The following ACSF3 variants were observed in gnomAD, a reference collection of about 807,000 sequenced individuals.
ACSF3 encodes the protein malonate--CoA ligase ACSF3, mitochondrial.
Under a neutral mutation model 53.2 loss-of-function variants are expected in ACSF3, and 78 were observed. That is an observed-to-expected ratio of 1.47 (90% CI 1.22 to 1.77). The LOEUF (loss-of-function observed/expected upper bound fraction) is 1.77. Among genes scored for constraint, ACSF3 ranks in the 40% most tolerant of loss-of-function variants. The pLI is 0.00. For missense variants in ACSF3, 937 were observed against 771.1 expected, an observed-to-expected ratio of 1.22 and a Z score of -2.55; for synonymous variants, 414 against 333.1, an observed-to-expected ratio of 1.24 and a Z score of -2.65.
intron 8 of ACSF3, among the ~76,000 whole-genome samples, chr16:89,143,606 C>T (rs945099572): frequency 6.6e-6 from 1 of 152,166 alleles, no homozygotes. Context: ...ACAGCAGGAG[C>T]AGGAGCCATG....
At chr16:89,130,230 T>C (rs1908999810) in intron 7 of ACSF3, among the ~76,000 whole-genome samples, 1 of 152,214 alleles carries the variant, frequency 6.6e-6, no homozygotes, top group Admixed American at 6.5e-5. Flanking sequence ...ATATTTTCAT[T>C]GGATTAGGAA....
At chr16:89,110,787 G>A (rs1007914343) in intron 4 of ACSF3, among the ~76,000 whole-genome samples, 1 of 152,204 alleles carries the variant, frequency 6.6e-6, no homozygotes, top group African/African-American at 2.4e-5. Context: ...CCGTCTGCGA[G>A]CCTGGCCTCT....
At chr16:89,112,300 A>G in intron 5 of ACSF3, 54 bp downstream of exon 5, 2 of 1,600,028 alleles carry the variant, frequency 1.2e-6, no homozygotes, top group Non-Finnish European at 8.6e-7. Context: ...ATCAACAGAT[A>G]CGACTTATTT....
intron 10 of ACSF3, chr16:89,147,588 G>A (rs1475436351): frequency 6.7e-6 from 1 of 148,338 alleles, no homozygotes; most frequent in Non-Finnish European, 1.5e-5. Context: ...CGATGGGAGA[G>A]GGAGGTGCCA....
intron 4 of ACSF3, among the ~76,000 whole-genome samples, chr16:89,106,117 G>C (rs1975950459): frequency 6.6e-6 from 1 of 152,214 alleles, no homozygotes; most frequent in South Asian, 2.1e-4. Context: ...TCTGCTCCGA[G>C]AGTGTCTACC....
At position 89,102,649 on chromosome 16, in the gene ACSF3, A is replaced by ATCCTCCACGTGC; in HGVS notation, c.716_727dup (p.Leu239_Leu242dup). 1 of 1,613,474 alleles carries ATCCTCCACGTGC rather than the reference A, an allele frequency of 6.2e-7. No homozygotes were observed. The highest frequency in any genetic ancestry group is 1.3e-5 in the African/African-American group (1 of 74,862). On this transcript the variant is annotated inframe_insertion, in exon 4 of 11. Transcript: ENST00000614302. ...GTGGGCATGGACCAAAGACGACGTG[A>ATCCTCCACGTGC]TCCTCCACGTGCTCCCGCTGCACCA... is the stretch of plus-strand genomic sequence containing the variant.
chr16:89,129,940 G>C (rs1908941247), intron 7 of ACSF3, among the ~76,000 whole-genome samples: 1 of 152,138 alleles, frequency 6.6e-6, no homozygotes, highest in Non-Finnish European at 1.5e-5. Context: ...TGTAATACCT[G>C]TATTTGTTGT....
chr16:89,131,527 G>C (rs1909325084), intron 7 of ACSF3, among the ~76,000 whole-genome samples: 1 of 152,036 alleles, frequency 6.6e-6, no homozygotes, highest in African/African-American at 2.4e-5. Flanking sequence ...TTCCCGTGTT[G>C]AGTAACTTTG....
At chr16:89,127,054 C>G (rs962212916) in intron 7 of ACSF3, among the ~76,000 whole-genome samples, 2 of 152,130 alleles carry the variant, frequency 1.3e-5, no homozygotes, top group Non-Finnish European at 2.9e-5. Flanking sequence ...AGCTTTCATT[C>G]CCAGGACAAA....
chr16:89,108,095 C>T (rs1056837267), intron 4 of ACSF3, among the ~76,000 whole-genome samples: 1 of 152,178 alleles, frequency 6.6e-6, no homozygotes, highest in African/African-American at 2.4e-5. Flanking sequence ...GAGACTTATT[C>T]ACTATCATGA....
intron 10 of ACSF3, chr16:89,151,755 C>A (rs1050643279): frequency 6.5e-6 from 1 of 153,086 alleles, no homozygotes; most frequent in African/African-American, 2.4e-5. Context: ...TACAGGTGCG[C>A]ACCACCATGC....
In ACSF3 at chr16:89,146,069, G is replaced by GGGGGGGC; in HGVS notation, c.1613+20_1613+21insGGGGGGC. On this transcript the variant is annotated intron_variant, in intron 10 of 10. Coordinates refer to ENST00000614302, the MANE Select transcript of ACSF3 (RefSeq NM_001243279.3). ...GGCCAGGTAGGGCTGGGTGGGGCGG[G>GGGGGGGC]CAGGGAGCACTCATGGGGTCTTGGG... The GGGGGGGC allele has an allele frequency of 1.9e-6, 1 of 534,952 alleles. No homozygotes were observed. The highest frequency in any genetic ancestry group is 3.8e-6 in the Non-Finnish European group (1 of 262,924). 33.1% of individuals were successfully genotyped at this position (534,952 alleles called of 1,614,324 possible).
intron 7 of ACSF3, among the ~76,000 whole-genome samples, chr16:89,123,602 A>T (rs1907198962): frequency 6.6e-6 from 1 of 152,196 alleles, no homozygotes; most frequent in South Asian, 2.1e-4. Context: ...AGTCATGAGA[A>T]TGGCCATCCC....
chr16:89,140,114 G>A (rs1248942651), intron 8 of ACSF3, among the ~76,000 whole-genome samples: 1 of 152,208 alleles, frequency 6.6e-6, no homozygotes, highest in African/African-American at 2.4e-5. Flanking sequence ...TGGCACTGGG[G>A]TCCAGGTGCA....
chr16:89,127,393 C>G (rs1447999994), intron 7 of ACSF3, among the ~76,000 whole-genome samples: 2 of 152,054 alleles, frequency 1.3e-5, no homozygotes, highest in African/African-American at 4.8e-5. Context: ...GGGATAAGGT[C>G]TCGTTCTGTC....
At chr16:89,127,190 C>G (rs900976493) in intron 7 of ACSF3, among the ~76,000 whole-genome samples, 2 of 152,036 alleles carry the variant, frequency 1.3e-5, no homozygotes, top group Admixed American at 1.3e-4. Context: ...CATTTTTGTA[C>G]TTTCTTTGGG....
chr16:89,153,344 C>G (rs1436141259), intron 10 of ACSF3: 1 of 153,558 alleles, frequency 6.5e-6, no homozygotes, highest in Non-Finnish European at 1.5e-5. Context: ...GGAGGAGCAC[C>G]GAGCACCACT....
At chr16:89,119,480 A>G (rs1182639527) in intron 6 of ACSF3, among the ~76,000 whole-genome samples, 1 of 152,178 alleles carries the variant, frequency 6.6e-6, no homozygotes, top group African/African-American at 2.4e-5. Flanking sequence ...GGGGCTGTGC[A>G]ATGTGTGTGC....
At position 89,101,042 on chromosome 16, in the gene ACSF3, G is replaced by T; in HGVS notation, c.361G>T (p.Val121Leu). The T allele has an allele frequency of 6.2e-7, 1 of 1,614,024 alleles. No individual in the cohort carries two copies. The highest frequency in any genetic ancestry group is 8.5e-7 in the Non-Finnish European group (1 of 1,179,942). ...GTGGGCGTCATGGATGAGTGGCGGTGTGGCAGTCCCCCTCTACAGGAAGCA... is the reference window on the plus strand; with the variant it reads ...GTGGGCGTCATGGATGAGTGGCGGTTTGGCAGTCCCCCTCTACAGGAAGCA... Reference protein sequence around the residue: ...AQWASWMSGGVAVPLYRKHPA... With the variant: ...AQWASWMSGGLAVPLYRKHPA... The change falls in exon 3 of 11, where the codon GTG (valine) becomes TTG (leucine). Residue 121 changes from valine (V) to leucine (L), a missense_variant. Val to Leu is a conservative substitution (Grantham distance 32, BLOSUM62 1). Transcript: ENST00000614302.
Sources: allele counts gnomAD v4.1 joint callset (sites outside exome capture counted in the v4.1 genomes callset), GRCh38; gene constraint gnomAD v4.1.1; transcripts MANE v1.5; gene names NCBI Gene and HGNC (gene_info 2026-07-23, HGNC 2026-07-21).